The following GPRC5C variants were observed in gnomAD, a reference collection of about 807,000 sequenced individuals.
The protein encoded by GPRC5C is G protein-coupled receptor class C group 5 member C.
GPRC5C carries 22 observed loss-of-function variants against 31.4 expected under a neutral mutation model. The ratio of observed to expected loss-of-function variants is 0.70; its 90% CI spans 0.50 to 1.00. GPRC5C has a LOEUF of 1.00. GPRC5C is among the 50% of genes least tolerant of loss of function. The pLI is 0.00. For missense variants in GPRC5C, 557 were observed against 597.2 expected, an observed-to-expected ratio of 0.93 and a Z score of 0.70; for synonymous variants, 249 against 257.5, an observed-to-expected ratio of 0.97 and a Z score of 0.32.
At chr17:74,436,425 T>G (rs2055432131) in intron 1 of GPRC5C, among the ~76,000 whole-genome samples, 1 of 152,208 alleles carries the variant, frequency 6.6e-6, no homozygotes, top group African/African-American at 2.4e-5. Context: ...CGGAACAGTC[T>G]TTCTCTACTC....
intron 2 of GPRC5C, 73 bp from the exon 3 acceptor site, chr17:74,443,745 C>A: frequency 8.8e-7 from 1 of 1,131,864 alleles, no homozygotes; most frequent in Non-Finnish European, 1.4e-6. Flanking sequence ...GAGAGCCTTG[C>A]TTGGTTTGTG....
downstream of GPRC5C, chr17:74,449,471 G>A: frequency 4.2e-6 from 3 of 711,578 alleles, 1 homozygote; most frequent in South Asian, 4.5e-5. Flanking sequence ...GAGCTGGGAG[G>A]GGCCGGAGGC....
At chr17:74,443,562 G>A (rs1282775463) in intron 2 of GPRC5C, 2 of 637,044 alleles carry the variant, frequency 3.1e-6, no homozygotes, top group Admixed American at 2.1e-5. Context: ...GGGCTGGGGT[G>A]TCTACAGTGC....
chr17:74,437,347 T>A (rs1598427670), intron 1 of GPRC5C, among the ~76,000 whole-genome samples: 1 of 152,154 alleles, frequency 6.6e-6, no homozygotes, highest in Admixed American at 6.6e-5. Context: ...AGTCCTGCAT[T>A]AGAAGTAAAG....
rs138905098 is a variant in GPRC5C at position 74,440,174 on chromosome 17, G to C, written c.398G>C (p.Cys133Ser). ...GTTCTGTTCGCCATCTGCTTCTCTT[G>C]TCTGGCGGCTCACGTCTTTGCCCTC... ...FGVLFAICFS[C>S]LAAHVFALNF... The change falls in exon 2 of 4, where the codon TGT becomes TCT. Residue 133 changes from cysteine (C) to serine (S), a missense_variant. Cys to Ser is a moderately radical substitution (Grantham distance 112). Transcript: ENST00000392627. This position sits in a 1 kb window ranked among gnomAD's most constrained non-coding sequence, Gnocchi z 4.4. The C allele has an allele frequency of 1.5e-3, 2,395 of 1,614,190 alleles. 5 individuals carry two copies. The highest frequency in any genetic ancestry group is 1.7e-3 in the Non-Finnish European group (2,028 of 1,180,036).
At chr17:74,437,646 C>CTTTTTTTTTTTTTTTTTTTTTTTT (rs2055453340) in intron 1 of GPRC5C, among the ~76,000 whole-genome samples, 1 of 106,864 alleles carries the variant, frequency 9.4e-6, no homozygotes, top group African/African-American at 8.7e-5. Context: ...TTTTTTTTTG[C>CTTTTTTTTTTTTTTTTTTTTTTTT]TTCTGTGTTG....
At chr17:74,451,487 G>A (rs185060422), downstream of GPRC5C, 2 of 152,240 alleles carry the variant, frequency 1.3e-5, no homozygotes, top group African/African-American at 4.8e-5. Context: ...ACAAACAAGC[G>A]TTGAATGGAA....
At chr17:74,449,541 G>A (rs1399586374), downstream of GPRC5C, 3 of 326,690 alleles carry the variant, frequency 9.2e-6, no homozygotes, top group African/African-American at 2.2e-5. Context: ...TGTGACTGGA[G>A]CGCCTAGGGC....
intron 1 of GPRC5C, 110 bp downstream of exon 1, chr17:74,432,251 C>T (rs1567954564): frequency 6.6e-6 from 10 of 1,524,930 alleles, no homozygotes; most frequent in Non-Finnish European, 8.8e-6. Context: ...GGTGATGTAA[C>T]GGTGATGCAG....
At chr17:74,448,827 G>C, downstream of GPRC5C, 1 of 1,276,812 alleles carries the variant, frequency 7.8e-7, no homozygotes, top group South Asian at 1.2e-5. Context: ...TTACAGGTAA[G>C]CGAACTGACC....
In GPRC5C at chr17:74,440,231, G is replaced by C; in HGVS notation, c.455G>C (p.Arg152Pro). ...CTGGCCCGGAAGAACCACGGGCCCC[G>C]GGGCTGGGTGATCTTCACTGTGGCT... ...NFLARKNHGP[R>P]GWVIFTVALL... The change falls in exon 2 of 4, where the codon CGG (arginine) becomes CCG (proline). Residue 152 changes from arginine (R) to proline (P), a missense_variant. Coordinates refer to ENST00000392627, the MANE Select transcript of GPRC5C (RefSeq NM_022036.4). This position sits in a 1 kb window ranked among gnomAD's most constrained non-coding sequence, Gnocchi z 4.4. 6.2e-7 allele frequency: 1 copy of C among 1,614,178 alleles called. No individual in the cohort carries two copies. Among genetic ancestry groups the C allele is most frequent in the Non-Finnish European group, 8.5e-7 (1 of 1,180,032 alleles).
rs2055584051 is a variant in GPRC5C, at chr17:74,443,877, C to A, written c.1111C>A (p.Gln371Lys). 1.9e-6 allele frequency: 3 copies of A among 1,613,142 alleles called. No individual in the cohort carries two copies. Among genetic ancestry groups the A allele is most frequent in the Admixed American group, 3.3e-5 (2 of 59,948 alleles). ...TGGGCAGCTGCTGACCAGTGTGTAC[C>A]AGCCCACTGAGATGGCCCTGATGCA... ...YNGQLLTSVYQPTEMALMHKV... is the reference protein window; with the variant it reads ...YNGQLLTSVYKPTEMALMHKV... Residue 371 changes from glutamine (Q) to lysine (K), a missense_variant, in exon 3 of 4, where the codon CAG (glutamine) becomes AAG (lysine). Gln to Lys is a moderately conservative substitution (Grantham distance 53). Transcript: ENST00000392627.
intron 1 of GPRC5C, chr17:74,432,423 A>G: frequency 8.8e-7 from 1 of 1,131,480 alleles, no homozygotes; most frequent in Non-Finnish European, 1.1e-6. Flanking sequence ...GGCCTGGCCC[A>G]GCGCCCCGCG....
At chr17:74,446,451 C>CAA (rs765307845) in intron 3 of GPRC5C, 14 of 105,852 alleles carry the variant, frequency 1.3e-4, no homozygotes, top group South Asian at 3.0e-4. Flanking sequence ...GACTCCGTCT[C>CAA]AAAAAAAAAA....
In GPRC5C at chr17:74,440,008, G is replaced by A; in HGVS notation, c.232G>A (p.Val78Met). Residue 78 changes from valine (V) to methionine (M), a missense_variant, in exon 2 of 4, where the codon GTG becomes ATG. Transcript: ENST00000392627. The surrounding 1 kb of genome is among the most constrained non-coding windows in gnomAD (Gnocchi z 4.4). ...TIILVASLPF[V>M]QDTKKRSLLG... ...CATCCTGGTGGCCAGCCTCCCCTTT[G>A]TGCAGGACACCAAGAAACGGAGCCT... 2 of 1,609,998 alleles carry A rather than the reference G, an allele frequency of 1.2e-6. No individual in the cohort carries two copies. The highest frequency in any genetic ancestry group is 2.2e-5 in the South Asian group (2 of 91,084).
intron 1 of GPRC5C, chr17:74,432,600 C>CG (rs1165265338): frequency 1.3e-6 from 1 of 790,830 alleles, no homozygotes; most frequent in African/African-American, 2.0e-5. Flanking sequence ...AGGGCAGAGG[C>CG]GGGGGGACTG....
At chr17:74,445,814 C>T (rs917760980) in intron 3 of GPRC5C, 1 of 152,306 alleles carries the variant, frequency 6.6e-6, no homozygotes, top group African/African-American at 2.4e-5. Context: ...TGGTGTCTCT[C>T]ACCCACATGG....
chr17:74,446,888 G>A lies in GPRC5C; in HGVS notation c.1186G>A (p.Ala396Thr), dbSNP rs139477313. 269 of 1,613,756 alleles carry A rather than the reference G, an allele frequency of 1.7e-4. 1 individual carries two copies. Among genetic ancestry groups the A allele is most frequent in the South Asian group, 1.4e-3 (124 of 91,072 alleles). ...AYDIILPRAT[A>T]NSQVMGSANS... is the part of the protein sequence containing the mutation. ...CGACATCATCCTCCCACGGGCCACC[G>A]CCAACAGCCAGGTGATGGGCAGTGC... The change falls in exon 4 of 4, where the codon GCC (alanine) becomes ACC (threonine). Residue 396 changes from alanine to threonine, a missense_variant. By Grantham distance (58) the Ala-to-Thr change is moderately conservative. Transcript: ENST00000392627.
intron 1 of GPRC5C, among the ~76,000 whole-genome samples, chr17:74,436,922 T>C (rs1465431186): frequency 1.3e-5 from 2 of 152,190 alleles, no homozygotes; most frequent in East Asian, 3.9e-4. Context: ...CTTCCCTTTT[T>C]TGTTGTTGTT....
Sources: allele counts gnomAD v4.1 joint callset (sites outside exome capture counted in the v4.1 genomes callset), GRCh38; gene constraint gnomAD v4.1.1; non-coding constraint Gnocchi (gnomAD v3.1); transcripts MANE v1.5; gene names NCBI Gene and HGNC (gene_info 2026-07-23, HGNC 2026-07-21).